The following MAST2 variants were observed in gnomAD, a reference collection of about 807,000 sequenced individuals.
MAST2 encodes the protein microtubule-associated serine/threonine-protein kinase 2.
Under a neutral mutation model 147.4 loss-of-function variants are expected in MAST2, and 70 were observed. The observed-to-expected ratio is 0.47, with a 90% CI of 0.39 to 0.58. The LOEUF (loss-of-function observed/expected upper bound fraction) is 0.58. MAST2 is among the 20% of genes least tolerant of loss of function. The pLI, the probability that MAST2 is intolerant of heterozygous loss-of-function variation, is 0.00. For synonymous variants in MAST2, 869 were observed against 896.8 expected, an observed-to-expected ratio of 0.97 and a Z score of 0.55; for missense variants, 2,080 against 2,302.3, an observed-to-expected ratio of 0.90 and a Z score of 1.98.
intron 4 of MAST2, among the ~76,000 whole-genome samples, chr1:45,899,895 G>A (rs1649455874): frequency 6.6e-6 from 1 of 151,596 alleles, no homozygotes. Flanking sequence ...GGCCCAGCGC[G>A]ATGGCTTACA....
intron 1 of MAST2, among the ~76,000 whole-genome samples, chr1:45,812,438 T>G (rs1466065936): frequency 6.6e-6 from 1 of 150,860 alleles, no homozygotes; most frequent in Non-Finnish European, 1.5e-5. Flanking sequence ...TTTTTTTTTT[T>G]TTTTTTTTAG....
chr1:46,029,219 CTGTG>C, intron 18 of MAST2: 1 of 548,750 alleles, frequency 1.8e-6, no homozygotes, highest in Admixed American at 3.1e-5. Flanking sequence ...AGGGGTACGT[CTGTG>C]TATGTTTTGT....
intron 5 of MAST2, among the ~76,000 whole-genome samples, chr1:45,995,876 C>T (rs996783086): frequency 6.6e-6 from 1 of 152,132 alleles, no homozygotes; most frequent in Non-Finnish European, 1.5e-5. Context: ...ATGGGCCTAG[C>T]CTTCAGGTTT....
At chr1:45,881,994 G>A (rs957691729) in intron 3 of MAST2, among the ~76,000 whole-genome samples, 33 of 119,796 alleles carry the variant, frequency 2.8e-4, no homozygotes, top group Non-Finnish European at 4.4e-4. Flanking sequence ...GGCTAACACG[G>A]TGAAACCCCG....
intron 10 of MAST2, among the ~76,000 whole-genome samples, chr1:46,011,606 A>G (rs1215493621): frequency 2.0e-5 from 3 of 152,178 alleles, no homozygotes; most frequent in Non-Finnish European, 4.4e-5. Flanking sequence ...CAGCGGCTCC[A>G]TGTTATCCAT....
At chr1:45,952,682 G>A (rs1434064172) in intron 4 of MAST2, among the ~76,000 whole-genome samples, 1 of 152,122 alleles carries the variant, frequency 6.6e-6, no homozygotes, top group Non-Finnish European at 1.5e-5. Flanking sequence ...TATTTTTAAA[G>A]TATTGAGAAA....
At chr1:45,944,634 T>C (rs1187821355) in intron 4 of MAST2, among the ~76,000 whole-genome samples, 7 of 152,248 alleles carry the variant, frequency 4.6e-5, no homozygotes, top group Non-Finnish European at 1.0e-4. Context: ...TCTCCTAATT[T>C]AATCTTCTCC....
At chr1:46,017,348 T>C (rs559332914) in intron 10 of MAST2, among the ~76,000 whole-genome samples, 1 of 152,302 alleles carries the variant, frequency 6.6e-6, no homozygotes, top group South Asian at 2.1e-4. Flanking sequence ...ACGAAAGAGC[T>C]GCTGCACAGC....
chr1:45,843,353 A>G (rs1645334923), intron 3 of MAST2, among the ~76,000 whole-genome samples: 1 of 152,150 alleles, frequency 6.6e-6, no homozygotes, highest in Admixed American at 6.5e-5. Flanking sequence ...TGCCAGCTCC[A>G]AGGTCATGAT....
chr1:45,828,796 T>C (rs943418367), intron 2 of MAST2, among the ~76,000 whole-genome samples: 1 of 152,060 alleles, frequency 6.6e-6, no homozygotes, highest in Non-Finnish European at 1.5e-5. Context: ...TGGTGGTGCA[T>C]GCCTGTAGTC....
rs1181236513 is a variant in MAST2, at chr1:46,030,109, GTCCT to G, written c.2444-18_2444-15del. 6.2e-7 allele frequency: 1 copy of G among 1,612,746 alleles called. No homozygotes were observed. Among genetic ancestry groups the G allele is most frequent in the Non-Finnish European group, 8.5e-7 (1 of 1,178,824 alleles). ...CACCAGCAGGGCTCTGAAGGAAAGT[GTCCT>G]TTATGTCTGGCCCAGCCCGCTCAGA... On this transcript the variant is annotated splice_polypyrimidine_tract_variant and intron_variant, in intron 20 of 28. Coordinates refer to ENST00000361297, the MANE Select transcript of MAST2 (RefSeq NM_015112.3).
In MAST2 at chr1:45,882,400, G is replaced by A; in HGVS notation, c.500+5G>A. ...CCTTCCAAGAAGAGGCAGCTTGTAA[G>A]TAGATGATTATTACCATTATGATTA... On this transcript the variant is annotated splice_donor_5th_base_variant and intron_variant, in intron 4 of 28. Coordinates refer to ENST00000361297, the MANE Select transcript of MAST2 (RefSeq NM_015112.3). 1 of 1,608,508 alleles carries A rather than the reference G, an allele frequency of 6.2e-7. No individual in the cohort carries two copies. The highest frequency in any genetic ancestry group is 8.5e-7 in the Non-Finnish European group (1 of 1,175,024).
rs371299564 is a variant in MAST2 at position 46,034,877 on chromosome 1, A to G, written c.4208A>G (p.Lys1403Arg). 22 of 1,614,100 alleles carry G rather than the reference A, an allele frequency of 1.4e-5. No homozygotes were observed. The highest frequency in any genetic ancestry group is 6.7e-5 in the Admixed American group (4 of 60,008). Reference protein sequence around the residue: ...SAEPPRSPLLKRVQSAEKLAA... With the variant: ...SAEPPRSPLLRRVQSAEKLAA... ...GAGCCACCCCGTTCACCACTACTCA[A>G]GAGGGTGCAGTCGGCTGAGAAACTG... The change falls in exon 29 of 29, where the codon AAG (lysine) becomes AGG (arginine). Residue 1403 changes from lysine (K) to arginine (R), a missense_variant. By Grantham distance (26) the Lys-to-Arg change is conservative. Around this residue, in one of 4 missense-constraint regions of MAST2, gnomAD observed 1,278 missense variants for 1,304.2 expected, o/e 0.98. Coordinates refer to ENST00000361297, the MANE Select transcript of MAST2 (RefSeq NM_015112.3).
chr1:45,856,875 G>A (rs1022799738), intron 3 of MAST2, among the ~76,000 whole-genome samples: 6 of 152,080 alleles, frequency 3.9e-5, no homozygotes, highest in Non-Finnish European at 7.4e-5. Flanking sequence ...TGCATCATAT[G>A]TAGGGAGTAG....
chr1:46,033,575 C>T (rs1431827762), intron 26 of MAST2, among the ~76,000 whole-genome samples: 2 of 152,134 alleles, frequency 1.3e-5, no homozygotes, highest in African/African-American at 4.8e-5. Flanking sequence ...CAGAATGGGA[C>T]GGATTAGCCT....
chr1:45,819,392 G>A (rs1394214458), intron 1 of MAST2, among the ~76,000 whole-genome samples: 2 of 152,088 alleles, frequency 1.3e-5, no homozygotes, highest in East Asian at 1.9e-4. Flanking sequence ...GAAATAAAGG[G>A]TATCCAAATT....
At chr1:45,968,929 G>T (rs1643769688) in intron 5 of MAST2, among the ~76,000 whole-genome samples, 2 of 143,668 alleles carry the variant, frequency 1.4e-5, no homozygotes. Flanking sequence ...GGAAGTTTCT[G>T]TTATCATATC....
At chr1:45,813,462 T>G (rs1321365687) in intron 1 of MAST2, among the ~76,000 whole-genome samples, 1 of 151,110 alleles carries the variant, frequency 6.6e-6, no homozygotes, top group Non-Finnish European at 1.5e-5. Context: ...CCCAAGTAAC[T>G]AGGATTACAG....
chr1:45,816,474 C>G (rs1054892477), intron 1 of MAST2, among the ~76,000 whole-genome samples: 2 of 152,046 alleles, frequency 1.3e-5, no homozygotes, highest in Non-Finnish European at 2.9e-5. Context: ...ACAGAGAATT[C>G]AAAATACCCA....
Sources: gnomAD v4.1 joint callset for allele counts (sites outside exome capture counted in the v4.1 genomes callset) on GRCh38, gnomAD v4.1.1 for gene constraint, gnomAD v4.1.1 regional missense constraint, MANE v1.5 for transcripts, NCBI Gene and HGNC (gene_info 2026-07-23, HGNC 2026-07-21) for gene names.